Variants in PROK2 observed in about 807,000 individuals in gnomAD.
PROK2 encodes the protein prokineticin 2.
Under a neutral mutation model 14.2 loss-of-function variants are expected in PROK2, and 8 were observed. The observed-to-expected ratio is 0.56, with a 90% CI of 0.33 to 1.02. PROK2 has a LOEUF of 1.02. Among genes scored for constraint, PROK2 ranks in the 50% least tolerant of loss-of-function variants. The pLI is 0.03. For synonymous variants in PROK2, 59 were observed against 60.7 expected, an observed-to-expected ratio of 0.97 and a Z score of 0.13; for missense variants, 154 against 160.4, an observed-to-expected ratio of 0.96 and a Z score of 0.22.
At chr3:71,774,588 T>C in intron 2 of PROK2, 81 bp from the exon 3 acceptor site, 1 of 1,498,838 alleles carries the variant, frequency 6.7e-7, no homozygotes, top group Non-Finnish European at 9.0e-7. Flanking sequence ...GGTATGCATG[T>C]AGTGAACTGG....
Position 71,776,364 on chromosome 3 carries a change from A to ATTTTTTTTTTTTT in PROK2, c.223-1870_223-1858dup, listed in dbSNP as rs58407323. Among the ~76,000 whole-genome samples the ATTTTTTTTTTTTT allele has an allele frequency of 1.2e-3, 89 of 75,442 alleles. 7 individuals are homozygous for ATTTTTTTTTTTTT. Among genetic ancestry groups the ATTTTTTTTTTTTT allele is most frequent in the African/African-American group, 4.3e-3 (85 of 19,660 alleles). The allele number at this position is 75,442 out of a possible 152,430, so 49.5% of individuals were successfully genotyped here. A position where few individuals can be genotyped will look rare whatever the true frequency, so the allele number is the denominator to read the frequency against. On this transcript the variant is annotated intron_variant, in intron 2 of 3. Transcript: ENST00000295619. ...TTTTCTTTTTTTCTTTTCGCTTTTCATTTTTTTTTTTTTTTTTTTTTTTTT... is the reference window on the plus strand; with the variant it reads ...TTTTCTTTTTTTCTTTTCGCTTTTCATTTTTTTTTTTTTTTTTTTTTTTTTTTTTTTTTTTTTT...
Position 71,784,959 on chromosome 3 carries a change from C to A in PROK2, c.94G>T (p.Gly32Trp). The A allele has an allele frequency of 8.0e-7, 1 of 1,247,086 alleles. No individual in the cohort carries two copies. The highest frequency in any genetic ancestry group is 1.0e-6 in the Non-Finnish European group (1 of 993,806). 77.3% of individuals were successfully genotyped at this position (1,247,086 alleles called of 1,614,324 possible). A position where few individuals can be genotyped will look rare whatever the true frequency, so the allele number is the denominator to read the frequency against. ...PRAGDAAVIT[G>W]ACDKDSQCGG... ...ACAGGTGCGCCCGGGCCGCTTACCC[C>A]GGTGATCACGGCGGCGTCCCCAGCG... Residue 32 changes from glycine to tryptophan, a missense_variant and splice_region_variant, in exon 1 of 4, where the codon GGG becomes TGG. Transcript: ENST00000295619.
rs560420204 is a variant in PROK2 at position 71,775,687 on chromosome 3, G to C, written c.223-1180C>G. ...GGACTGAGGTTACTCAGCTAGGAGG[G>C]GAAAGTGCTCATAGTCAAACAGGGT... On this transcript the variant is annotated intron_variant, in intron 2 of 3. Coordinates refer to ENST00000295619, the MANE Select transcript of PROK2 (RefSeq NM_001126128.2). Among the ~76,000 whole-genome samples the C allele has an allele frequency of 5.9e-5, 9 of 152,300 alleles. No individual in the cohort carries two copies. In the South Asian group the frequency reaches 1.7e-3, roughly 28 times the overall value.
At chr3:71,780,193 A>G (rs2050150685) in intron 2 of PROK2, among the ~76,000 whole-genome samples, 1 of 152,246 alleles carries the variant, frequency 6.6e-6, no homozygotes, top group African/African-American at 2.4e-5. Flanking sequence ...TTTAAATGTA[A>G]CAGGAAGCAT....
intron 2 of PROK2, among the ~76,000 whole-genome samples, chr3:71,775,029 G>A (rs1296489943): frequency 1.3e-5 from 2 of 152,184 alleles, no homozygotes; most frequent in East Asian, 1.9e-4. Context: ...GGGCAGGGAG[G>A]GGGATGCTCT....
chr3:71,775,579 G>A (rs1026278683), intron 2 of PROK2, among the ~76,000 whole-genome samples: 2 of 152,158 alleles, frequency 1.3e-5, no homozygotes, highest in Non-Finnish European at 2.9e-5. Flanking sequence ...ATGTATGAAT[G>A]TCATCCCAAA....
chr3:71,780,026 G>A (rs930107338), intron 2 of PROK2, among the ~76,000 whole-genome samples: 1 of 152,242 alleles, frequency 6.6e-6, no homozygotes, highest in Non-Finnish European at 1.5e-5. Context: ...CGAGAGAAAT[G>A]CTAAAGGCAG....
chr3:71,773,105 G>A lies in PROK2; in HGVS notation c.286-277C>T, dbSNP rs143593211. Reference sequence around the variant, plus strand: ...AGCGATTCTTCTGCCTCGGGCTCCCGAGTAGCTGGGACTACAGGTGCATGC... The same window carrying A: ...AGCGATTCTTCTGCCTCGGGCTCCCAAGTAGCTGGGACTACAGGTGCATGC... On this transcript the variant is annotated intron_variant, in intron 3 of 3. Coordinates refer to ENST00000295619, the MANE Select transcript of PROK2 (RefSeq NM_001126128.2). Among the ~76,000 whole-genome samples the A allele has an allele frequency of 0.029, 4,470 of 152,174 alleles. 211 individuals carry two copies. Among genetic ancestry groups the A allele is most frequent in the African/African-American group, 0.091 (3,757 of 41,484 alleles).
chr3:71,778,530 C>T (rs2050137825), intron 2 of PROK2, among the ~76,000 whole-genome samples: 1 of 151,038 alleles, frequency 6.6e-6, no homozygotes. Context: ...TCACTTGACC[C>T]AAATAAACGG....
At chr3:71,772,931 C>T in intron 3 of PROK2, 103 bp from the exon 4 acceptor site, 2 of 964,176 alleles carry the variant, frequency 2.1e-6, no homozygotes, top group Non-Finnish European at 3.3e-6. Flanking sequence ...CTAGTGTTTA[C>T]TGAGCGTTAA....
Position 71,784,628 on chromosome 3 carries a change from A to G in PROK2, c.96+329T>C, listed in dbSNP as rs1316293448. On this transcript the variant is annotated intron_variant, in intron 1 of 3. Coordinates refer to ENST00000295619, the MANE Select transcript of PROK2 (RefSeq NM_001126128.2). Reference sequence around the variant, plus strand: ...CAAAAGTACTTGAGAAGACTCAGAGAGAAACTTCTTTCAGCCTAACAGAAG... The same window carrying G: ...CAAAAGTACTTGAGAAGACTCAGAGGGAAACTTCTTTCAGCCTAACAGAAG... 2.6e-5 allele frequency among the ~76,000 whole-genome samples: 4 copies of G among 152,212 alleles called. No individual in the cohort carries two copies. In the East Asian group the frequency reaches 7.7e-4, roughly 29 times the overall value.
intron 2 of PROK2, among the ~76,000 whole-genome samples, chr3:71,776,356 CGCTTTTCATTTT>C (rs1282098747): frequency 1.5e-5 from 2 of 134,142 alleles, no homozygotes; most frequent in Admixed American, 7.9e-5. Flanking sequence ...TTTTTCTTTT[CGCTTTTCATTTT>C]TTTTTTTTTT....
chr3:71,772,659 C>A lies in PROK2; in HGVS notation c.*65G>T, dbSNP rs562269903. ...TTTCTGGCACATTTTTTGTTTGGCA[C>A]AATCACAAGTAAGACTTTACAGGTA... On this transcript the variant is annotated 3_prime_UTR_variant, in exon 4 of 4. Coordinates refer to ENST00000295619, the MANE Select transcript of PROK2 (RefSeq NM_001126128.2). 21 of 1,419,992 alleles carry A rather than the reference C, an allele frequency of 1.5e-5. No homozygotes were observed. The African/African-American group carries it at 2.4e-4, about 16-fold the overall frequency. 88.0% of individuals were successfully genotyped at this position (1,419,992 alleles called of 1,614,324 possible).
rs757993432 is a variant in PROK2, at chr3:71,774,430, T to C, written c.285+15A>G. 2.8e-5 allele frequency: 43 copies of C among 1,551,466 alleles called. No individual in the cohort carries two copies. Among genetic ancestry groups the C allele is most frequent in the African/African-American group, 2.7e-5 (2 of 73,040 alleles). ...GGCATGTCTTTCGGTGGTACCACAT[T>C]CGCATTCTTCTTACCTCCTTTTTCC... On this transcript the variant is annotated intron_variant, in intron 3 of 3. Transcript: ENST00000295619.
rs2050118816 is a variant in PROK2, at chr3:71,776,363, C to CTTTTTTT, written c.223-1857_223-1856insAAAAAAA. 5.9e-4 allele frequency among the ~76,000 whole-genome samples: 54 copies of CTTTTTTT among 92,034 alleles called. 3 individuals are homozygous for CTTTTTTT. Among genetic ancestry groups the CTTTTTTT allele is most frequent in the African/African-American group, 2.2e-3 (50 of 22,428 alleles). 60.4% of individuals were successfully genotyped at this position (92,034 alleles called of 152,430 possible). A position where few individuals can be genotyped will look rare whatever the true frequency, so the allele number is the denominator to read the frequency against. On this transcript the variant is annotated intron_variant, in intron 2 of 3. Coordinates refer to ENST00000295619, the MANE Select transcript of PROK2 (RefSeq NM_001126128.2). ...CTTTTCTTTTTTTCTTTTCGCTTTT[C>CTTTTTTT]ATTTTTTTTTTTTTTTTTTTTTTTT...
intron 2 of PROK2, among the ~76,000 whole-genome samples, chr3:71,775,951 T>C (rs2050114354): frequency 6.6e-6 from 1 of 152,114 alleles, no homozygotes; most frequent in South Asian, 2.1e-4. Context: ...CTCCCCTCAC[T>C]GCCCTGCCCA....
intron 2 of PROK2, among the ~76,000 whole-genome samples, chr3:71,779,064 T>C (rs1365256549): frequency 1.3e-5 from 2 of 152,244 alleles, no homozygotes; most frequent in Non-Finnish European, 2.9e-5. Flanking sequence ...ATTGAAGTTA[T>C]CTAGGAACTA....
intron 1 of PROK2, among the ~76,000 whole-genome samples, chr3:71,783,513 A>G (rs2050185155): frequency 6.6e-6 from 1 of 152,222 alleles, no homozygotes; most frequent in African/African-American, 2.4e-5. Context: ...GAAAATTTAC[A>G]AAGAGTTGCA....
rs2050202785 is a variant in PROK2, at chr3:71,785,037, A to T, written c.16T>A (p.Cys6Ser). The part of the protein sequence containing the change: MRSLC[C>S]APLLLLLLLP... ...AGCAAGAGGAGCAGGAGTGGGGCGC[A>T]GCACAGGCTCCTCATGGCGCCCTCG... Residue 6 changes from cysteine (C) to serine (S), a missense_variant, in exon 1 of 4, where the codon TGC becomes AGC. By Grantham distance (112) the Cys-to-Ser change is moderately radical (BLOSUM62 -1). Coordinates refer to ENST00000295619, the MANE Select transcript of PROK2 (RefSeq NM_001126128.2). 1 of 1,241,910 alleles carries T rather than the reference A, an allele frequency of 8.1e-7. No homozygotes were observed. Among genetic ancestry groups the T allele is most frequent in the Non-Finnish European group, 1.0e-6 (1 of 989,142 alleles). 76.9% of individuals were successfully genotyped at this position (1,241,910 alleles called of 1,614,324 possible).
Sources: gnomAD v4.1 joint callset for allele counts (sites outside exome capture counted in the v4.1 genomes callset) on GRCh38, gnomAD v4.1.1 for gene constraint, MANE v1.5 for transcripts, NCBI Gene and HGNC (gene_info 2026-07-23, HGNC 2026-07-21) for gene names.